The following DIS3L2 variants were observed in gnomAD, a reference collection of about 807,000 sequenced individuals.
DIS3L2 encodes DIS3 like 3'-5' exoribonuclease 2, also known as DIS3-like exonuclease 2.
DIS3L2 carries 34 observed loss-of-function variants against 97.5 expected under a neutral mutation model. The ratio of observed to expected loss-of-function variants is 0.35; its 90% CI spans 0.27 to 0.46. DIS3L2 has a LOEUF of 0.46. Among genes scored for constraint, DIS3L2 ranks in the 20% least tolerant of loss-of-function variants. The pLI is 1.00. For missense variants in DIS3L2, 1,038 were observed against 1,146.0 expected (o/e 0.91, Z 1.36); for synonymous variants, 435 against 445.2 (o/e 0.98, Z 0.29).
chr2:232,241,463 A>G (rs528100976), intron 11 of DIS3L2, among the ~76,000 whole-genome samples: 2 of 152,348 alleles, frequency 1.3e-5, no homozygotes, highest in East Asian at 3.9e-4. Flanking sequence ...GGATTAACCC[A>G]TGGAGTAGGA....
chr2:232,133,213 A>G (rs1698267255), intron 7 of DIS3L2, among the ~76,000 whole-genome samples: 1 of 152,202 alleles, frequency 6.6e-6, no homozygotes, highest in African/African-American at 2.4e-5. Flanking sequence ...TCCCCATTCC[A>G]TACTTAGACC....
chr2:232,269,514 G>A lies in DIS3L2; in HGVS notation c.1659+6074G>A, dbSNP rs1693929951. Among the ~76,000 whole-genome samples, 1 of 152,206 alleles carries A rather than the reference G, an allele frequency of 6.6e-6. No individual in the cohort carries two copies. The highest frequency in any genetic ancestry group is 6.5e-5 in the Admixed American group (1 of 15,286). ...TAGGAAAATAATGAGAGAGCCAGCA[G>A]GCCACACAGAAAATGTAAAGTGATG... On this transcript the variant is annotated intron_variant, in intron 13 of 20. Coordinates refer to ENST00000325385, the MANE Select transcript of DIS3L2 (RefSeq NM_152383.5). This position sits in a 1 kb window ranked among gnomAD's most constrained non-coding sequence, Gnocchi z 4.5.
chr2:232,323,712 A>G (rs745831304), intron 14 of DIS3L2, among the ~76,000 whole-genome samples: 116 of 152,224 alleles, frequency 7.6e-4, no homozygotes, highest in Non-Finnish European at 1.4e-3. Context: ...GCAGGAGGAG[A>G]GGGGTCAGCG....
chr2:232,233,729 C>T (rs951155606), intron 10 of DIS3L2, among the ~76,000 whole-genome samples: 12 of 152,216 alleles, frequency 7.9e-5, no homozygotes, highest in African/African-American at 2.9e-4. Flanking sequence ...TGGTTGTGCT[C>T]ATTCCTGGCA....
intron 13 of DIS3L2, among the ~76,000 whole-genome samples, chr2:232,285,861 G>T (rs938070494): frequency 6.6e-6 from 1 of 152,178 alleles, no homozygotes; most frequent in African/African-American, 2.4e-5. Flanking sequence ...TAAAGCCTTT[G>T]TGGGGATCAC....
At chr2:232,258,959 G>A (rs1458806840) in intron 12 of DIS3L2, among the ~76,000 whole-genome samples, 1 of 152,030 alleles carries the variant, frequency 6.6e-6, no homozygotes, top group Non-Finnish European at 1.5e-5. Flanking sequence ...TCTTTCCCTG[G>A]CCTAGTCATT....
At chr2:231,985,718 A>G (rs1574787226) in intron 1 of DIS3L2, among the ~76,000 whole-genome samples, 1 of 152,196 alleles carries the variant, frequency 6.6e-6, no homozygotes, top group South Asian at 2.1e-4. Context: ...TTGAGAGTAA[A>G]TTTGACTACA....
At chr2:232,119,702 A>G (rs575266088) in intron 6 of DIS3L2, among the ~76,000 whole-genome samples, 17 of 152,326 alleles carry the variant, frequency 1.1e-4, no homozygotes, top group African/African-American at 3.4e-4. Context: ...ATAGCTGGGA[A>G]TGGGAATCAG....
chr2:232,333,197 T>G lies in DIS3L2; in HGVS notation c.2011-643T>G, dbSNP rs1294710874. Among the ~76,000 whole-genome samples, 3 of 65,034 alleles carry G rather than the reference T, an allele frequency of 4.6e-5. 1 individual carries two copies. Among genetic ancestry groups the G allele is most frequent in the South Asian group, 1.3e-3 (2 of 1,540 alleles). 42.7% of individuals were successfully genotyped at this position (65,034 alleles called of 152,430 possible). On this transcript the variant is annotated intron_variant, in intron 16 of 20. Transcript: ENST00000325385. Reference sequence around the variant, plus strand: ...TGTCGCCTCCTCCTCCTCCTCCTCCTCCTCCTCCTCCTCCTCCTCCTCCGC... The same window carrying G: ...TGTCGCCTCCTCCTCCTCCTCCTCCGCCTCCTCCTCCTCCTCCTCCTCCGC...
At chr2:232,019,015 G>T (rs1174836304) in intron 3 of DIS3L2, among the ~76,000 whole-genome samples, 1 of 152,166 alleles carries the variant, frequency 6.6e-6, no homozygotes, top group East Asian at 1.9e-4. Flanking sequence ...AGGGGCTCCA[G>T]TTTAGGGTGA....
At chr2:231,989,126 G>A (rs569039257) in intron 1 of DIS3L2, among the ~76,000 whole-genome samples, 62 of 152,158 alleles carry the variant, frequency 4.1e-4, no homozygotes, top group African/African-American at 1.3e-3. Flanking sequence ...GATAGTGGGT[G>A]AGTTCTTTCT....
At position 232,015,606 on chromosome 2, in the gene DIS3L2, A is replaced by G; in HGVS notation, c.145A>G (p.Ile49Val). The stretch of plus-strand genomic sequence containing the variant: ...GTCCACACGAGGGAAGAAAAAGAGC[A>G]TATTTGAAACTTACATGTCCAAGGA... The part of the protein sequence containing the change: ...NRSTRGKKKS[I>V]FETYMSKEDV... Residue 49 changes from isoleucine (I) to valine (V), a missense_variant, in exon 3 of 21, where the codon ATA becomes GTA. Ile to Val is a conservative substitution (Grantham distance 29, BLOSUM62 3). Coordinates refer to ENST00000325385, the MANE Select transcript of DIS3L2 (RefSeq NM_152383.5). 3 of 1,614,134 alleles carry G rather than the reference A, an allele frequency of 1.9e-6. No individual in the cohort carries two copies. Among genetic ancestry groups the G allele is most frequent in the East Asian group, 2.2e-5 (1 of 44,876 alleles).
chr2:232,145,878 G>T (rs994311285), intron 8 of DIS3L2, among the ~76,000 whole-genome samples: 2 of 152,118 alleles, frequency 1.3e-5, no homozygotes, highest in Non-Finnish European at 2.9e-5. Flanking sequence ...CAGAAATAAA[G>T]AAATGTTTAT....
intron 10 of DIS3L2, among the ~76,000 whole-genome samples, chr2:232,220,397 C>A (rs1038526046): frequency 6.6e-6 from 1 of 152,004 alleles, no homozygotes; most frequent in Non-Finnish European, 1.5e-5. Context: ...GCAGTGCTCA[C>A]CTATAAGTTG....
chr2:232,116,495 ATCACTCTAAATAAT>A (rs1296519052), intron 6 of DIS3L2, among the ~76,000 whole-genome samples: 2 of 152,178 alleles, frequency 1.3e-5, no homozygotes, highest in Non-Finnish European at 2.9e-5. Flanking sequence ...TCTTCTTTGG[ATCACTCTAAATAAT>A]TCCCGTTCTC....
intron 13 of DIS3L2, among the ~76,000 whole-genome samples, chr2:232,285,423 ACTGAG>A (rs1694400243): frequency 6.6e-6 from 1 of 152,220 alleles, no homozygotes. Context: ...GGGTCAGTCT[ACTGAG>A]CTCTCACCTG....
intron 12 of DIS3L2, among the ~76,000 whole-genome samples, chr2:232,261,965 T>A (rs960955543): frequency 8.5e-5 from 13 of 152,222 alleles, no homozygotes; most frequent in Admixed American, 8.5e-4. Flanking sequence ...AGTTGCCATA[T>A]GGAGAGTGTG....
chr2:232,119,182 A>G (rs1378332198), intron 6 of DIS3L2, among the ~76,000 whole-genome samples: 1 of 152,352 alleles, frequency 6.6e-6, no homozygotes, highest in Non-Finnish European at 1.5e-5. Context: ...TGTATTTCAT[A>G]TATGTGGGCT....
chr2:232,133,774 T>C (rs938277339), intron 7 of DIS3L2, among the ~76,000 whole-genome samples: 7 of 151,458 alleles, frequency 4.6e-5, no homozygotes, highest in African/African-American at 1.7e-4. Context: ...CACCTTGAGG[T>C]CAGGAGTTCA....
Sources: gnomAD v4.1 joint callset for allele counts (sites outside exome capture counted in the v4.1 genomes callset) on GRCh38, gnomAD v4.1.1 for gene constraint, Gnocchi (gnomAD v3.1) non-coding constraint, MANE v1.5 for transcripts, NCBI Gene and HGNC (gene_info 2026-07-23, HGNC 2026-07-21) for gene names.